TMC2: variants seen among roughly 807,000 people sequenced by gnomAD.
TMC2 encodes transmembrane channel-like protein 2.
In TMC2, 102 loss-of-function variants were observed where a neutral mutation model predicts 105.9. The observed-to-expected ratio is 0.96, with a 90% CI of 0.82 to 1.14. The LOEUF is 1.14. Ranked by LOEUF, TMC2 falls within the 50% of genes most tolerant of loss-of-function variation. The pLI, the probability that TMC2 is intolerant of heterozygous loss-of-function variation, is 0.00. For synonymous variants in TMC2, 402 were observed against 422.8 expected, an observed-to-expected ratio of 0.95 and a Z score of 0.60; for missense variants, 1,093 against 1,134.3, an observed-to-expected ratio of 0.96 and a Z score of 0.52.
chr20:2,634,743 T>A (rs1238157200), intron 17 of TMC2, among the ~76,000 whole-genome samples: 1 of 152,192 alleles, frequency 6.6e-6, no homozygotes, highest in African/African-American at 2.4e-5. Context: ...AATGGGCTAA[T>A]TAGGTAAATG....
chr20:2,608,421 A>C (rs1285302045), intron 11 of TMC2, among the ~76,000 whole-genome samples: 3 of 151,644 alleles, frequency 2.0e-5, no homozygotes, highest in African/African-American at 7.3e-5. Context: ...TCCGCCTCCC[A>C]GGTTCAAGTG....
chr20:2,592,291 C>G lies in TMC2; in HGVS notation c.835-19C>G. The G allele has an allele frequency of 6.5e-7, 1 of 1,539,558 alleles. No individual in the cohort carries two copies. The highest frequency in any genetic ancestry group is 9.0e-7 in the Non-Finnish European group (1 of 1,112,862). Reference sequence around the variant, plus strand: ...GTATTTCCTCCACTCATACTTGTGTCATTGTGTTTCTGCACAAGGTACTGA... The same window carrying G: ...GTATTTCCTCCACTCATACTTGTGTGATTGTGTTTCTGCACAAGGTACTGA... On this transcript the variant is annotated intron_variant, in intron 7 of 19. Transcript: ENST00000358864. This position sits in a 1 kb window ranked among gnomAD's most constrained non-coding sequence, Gnocchi z 4.9.
chr20:2,622,687 AAAAG>A (rs1375829778), intron 16 of TMC2, among the ~76,000 whole-genome samples: 9 of 152,132 alleles, frequency 5.9e-5, no homozygotes, highest in African/African-American at 9.7e-5. Flanking sequence ...TCTCAAAAAA[AAAAG>A]AAAGAAAGAA....
rs577678697 is a variant in TMC2, at chr20:2,591,869, T to C, written c.835-441T>C. Among the ~76,000 whole-genome samples the C allele has an allele frequency of 3.5e-4, 54 of 152,182 alleles. 1 individual carries two copies. The highest frequency in any genetic ancestry group is 1.2e-3 in the African/African-American group (48 of 41,534). On this transcript the variant is annotated intron_variant, in intron 7 of 19. Transcript: ENST00000358864. ...GATCAATGTTATTTAAAGAAGAAAA[T>C]AGAGCCGGGCTCAGTGGTTCACGCC...
intron 11 of TMC2, among the ~76,000 whole-genome samples, chr20:2,606,756 C>G (rs1052874589): frequency 1.3e-5 from 2 of 151,370 alleles, no homozygotes; most frequent in African/African-American, 4.8e-5. Flanking sequence ...CTATTAACTT[C>G]TTTCTTCATA....
At chr20:2,564,864 C>T (rs78267617) in intron 4 of TMC2, among the ~76,000 whole-genome samples, 3,817 of 152,322 alleles carry the variant, frequency 0.025, 56 homozygotes, top group Middle Eastern at 0.068. Flanking sequence ...CCTGTCTCTT[C>T]CTAGCTTCTT....
At chr20:2,578,151 C>G (rs952316489) in intron 5 of TMC2, among the ~76,000 whole-genome samples, 1 of 151,958 alleles carries the variant, frequency 6.6e-6, no homozygotes, top group Non-Finnish European at 1.5e-5. Flanking sequence ...TGAAACCCAT[C>G]TCTACTAAAA....
At chr20:2,624,101 C>A (rs955655160) in intron 16 of TMC2, among the ~76,000 whole-genome samples, 170 bp from the exon 17 acceptor site, 1 of 152,232 alleles carries the variant, frequency 6.6e-6, no homozygotes, top group Non-Finnish European at 1.5e-5. Context: ...AGAATGGCAG[C>A]CCCTCAGGGG....
At chr20:2,579,871 C>A in intron 6 of TMC2, 79 bp from the exon 7 acceptor site, 1 of 800,598 alleles carries the variant, frequency 1.2e-6, no homozygotes, top group Non-Finnish European at 2.1e-6. Context: ...AAATTGAATC[C>A]ACCACACACA....
intron 19 of TMC2, among the ~76,000 whole-genome samples, chr20:2,638,113 G>C (rs559475902): frequency 9.1e-4 from 138 of 152,004 alleles, no homozygotes; most frequent in Middle Eastern, 3.4e-3. Flanking sequence ...AGGCCGACGC[G>C]GGCGGATCAC....
intron 2 of TMC2, among the ~76,000 whole-genome samples, chr20:2,552,464 G>A (rs559407218): frequency 1.2e-4 from 19 of 152,218 alleles, no homozygotes; most frequent in African/African-American, 4.3e-4. Context: ...GAATTTTGTA[G>A]TCTTCTTCAT....
chr20:2,627,939 G>A (rs952877536), intron 17 of TMC2, among the ~76,000 whole-genome samples: 9 of 152,214 alleles, frequency 5.9e-5, no homozygotes, highest in Admixed American at 1.3e-4. Flanking sequence ...AGGCCGAGGT[G>A]GGCAGATCAC....
intron 19 of TMC2, among the ~76,000 whole-genome samples, chr20:2,639,078 G>A (rs2086669953): frequency 6.6e-6 from 1 of 152,232 alleles, no homozygotes; most frequent in East Asian, 1.9e-4. Context: ...TGTACTTTTA[G>A]TAGAGACAGG....
chr20:2,564,638 G>C (rs565815698), intron 4 of TMC2, among the ~76,000 whole-genome samples: 83 of 152,294 alleles, frequency 5.4e-4, no homozygotes, highest in African/African-American at 1.9e-3. Context: ...GAGATCTCCA[G>C]CTGGCTGGAA....
chr20:2,628,919 G>A (rs922573542), intron 17 of TMC2, among the ~76,000 whole-genome samples: 6 of 150,450 alleles, frequency 4.0e-5, no homozygotes, highest in Admixed American at 6.6e-5. Context: ...TGGCTAACAC[G>A]GTGAAACCCC....
chr20:2,628,422 T>C (rs1568530118), intron 17 of TMC2, among the ~76,000 whole-genome samples: 1 of 152,234 alleles, frequency 6.6e-6, no homozygotes, highest in Non-Finnish European at 1.5e-5. Flanking sequence ...ATTTATTTTC[T>C]ATATATAAAT....
chr20:2,540,415 C>G (rs931791602), intron 2 of TMC2, among the ~76,000 whole-genome samples: 2 of 151,890 alleles, frequency 1.3e-5, no homozygotes, highest in South Asian at 4.2e-4. Flanking sequence ...AATCCCAGCA[C>G]TTTGGGAGGC....
chr20:2,625,608 A>G (rs1215373764), intron 17 of TMC2, among the ~76,000 whole-genome samples: 1 of 152,218 alleles, frequency 6.6e-6, no homozygotes, highest in Non-Finnish European at 1.5e-5. Flanking sequence ...ACTATGTTCC[A>G]TCTCATGAAT....
rs368192006 is a variant in TMC2, at chr20:2,579,990, C to A, written c.768C>A (p.Leu256=). The A allele has an allele frequency of 6.2e-7, 1 of 1,614,014 alleles. No individual in the cohort carries two copies. The highest frequency in any genetic ancestry group is 1.1e-5 in the South Asian group (1 of 91,060). ...CAGTGGCATCGTATTTCATCTTTCT[C>A]CGATGGATGTATGGAGTTAACCTTG... ...GSSVASYFIF[L]RWMYGVNLVL... The change falls in exon 7 of 20, where the codon CTC becomes CTA. Residue 256 remains leucine (L), a synonymous_variant. Coordinates refer to ENST00000358864, the MANE Select transcript of TMC2 (RefSeq NM_080751.3).
Sources: allele counts gnomAD v4.1 joint callset (sites outside exome capture counted in the v4.1 genomes callset), GRCh38; gene constraint gnomAD v4.1.1; non-coding constraint Gnocchi (gnomAD v3.1); transcripts MANE v1.5; gene names NCBI Gene and HGNC (gene_info 2026-07-23, HGNC 2026-07-21).